Variants in CARM1 observed in about 807,000 individuals in gnomAD.
CARM1 encodes the protein coactivator associated arginine methyltransferase 1.
CARM1 carries 14 observed loss-of-function variants against 72.7 expected under a neutral mutation model. The observed-to-expected ratio is 0.19, with a 90% CI of 0.13 to 0.30. The LOEUF (loss-of-function observed/expected upper bound fraction) is 0.30. CARM1 is among the 10% of genes least tolerant of loss of function. The pLI is 1.00. For synonymous variants in CARM1, 333 were observed against 345.5 expected (o/e 0.96, Z 0.40); for missense variants, 432 against 833.7 (o/e 0.52, Z 5.93).
intron 1 of CARM1, among the ~76,000 whole-genome samples, chr19:10,874,054 C>G (rs2073843795): frequency 1.3e-5 from 2 of 152,170 alleles, no homozygotes; most frequent in Non-Finnish European, 2.9e-5. Flanking sequence ...TTTGTTGATA[C>G]TCTTGAAAGT....
chr19:10,891,225 G>C (rs151166669), intron 1 of CARM1, among the ~76,000 whole-genome samples: 9 of 152,186 alleles, frequency 5.9e-5, no homozygotes, highest in Admixed American at 2.6e-4. Flanking sequence ...CGTGGGTCTT[G>C]GGCCGGGCAT....
At chr19:10,891,634 C>T (rs1004435398) in intron 1 of CARM1, among the ~76,000 whole-genome samples, 6 of 152,198 alleles carry the variant, frequency 3.9e-5, no homozygotes, top group African/African-American at 7.2e-5. Flanking sequence ...GTCCCCAGTC[C>T]GGCCTGCCCA....
At position 10,921,810 on chromosome 19, in the gene CARM1, G is replaced by T; in HGVS notation, c.*53G>T. On this transcript the variant is annotated 3_prime_UTR_variant, in exon 16 of 16. Coordinates refer to ENST00000327064, the MANE Select transcript of CARM1 (RefSeq NM_199141.2). ...AGGAAACCAAATGATGTCCCTGCCC[G>T]CCGCCCCCGCCGGGCGGCTTTCCCC... is the stretch of plus-strand genomic sequence containing the variant. The T allele has an allele frequency of 6.6e-7, 1 of 1,521,880 alleles. No homozygotes were observed. The highest frequency in any genetic ancestry group is 8.9e-7 in the Non-Finnish European group (1 of 1,128,454). 94.3% of individuals were successfully genotyped at this position (1,521,880 alleles called of 1,614,324 possible). A position where few individuals can be genotyped will look rare whatever the true frequency, so the allele number is the denominator to read the frequency against.
rs773158578 is a variant in CARM1 at position 10,912,270 on chromosome 19, C to T, written c.645C>T (p.Ala215=). Reference sequence around the variant, plus strand: ...CACGGAAAATCTACGCGGTGGAGGCCAGCACCATGGCCCAGCACGCTGAGG... The same window carrying T: ...CACGGAAAATCTACGCGGTGGAGGCTAGCACCATGGCCCAGCACGCTGAGG... The part of the protein sequence containing the change: ...AGARKIYAVE[A]STMAQHAEVL... Residue 215 remains alanine (A), a synonymous_variant, in exon 5 of 16, where the codon GCC becomes GCT. Coordinates refer to ENST00000327064, the MANE Select transcript of CARM1 (RefSeq NM_199141.2). The surrounding 1 kb of genome is among the most constrained non-coding windows in gnomAD (Gnocchi z 4.5). The T allele has an allele frequency of 2.5e-6, 4 of 1,613,882 alleles. No individual in the cohort carries two copies. The highest frequency in any genetic ancestry group is 3.4e-6 in the Non-Finnish European group (4 of 1,179,916).
chr19:10,895,090 C>T (rs548676222), intron 1 of CARM1, among the ~76,000 whole-genome samples: 13 of 151,896 alleles, frequency 8.6e-5, no homozygotes, highest in Admixed American at 7.2e-4. Context: ...CCTGATGTCA[C>T]GACAGCATGG....
intron 1 of CARM1, among the ~76,000 whole-genome samples, chr19:10,874,353 A>G (rs894442787): frequency 6.7e-6 from 1 of 149,018 alleles, no homozygotes; most frequent in African/African-American, 2.5e-5. Flanking sequence ...TTTTTTTTAC[A>G]CTTTTTTGTT....
rs77625721 is a variant in CARM1, at chr19:10,920,037, G to C, written c.1196+71G>C. 4.1e-6 allele frequency: 5 copies of C among 1,204,900 alleles called. No homozygotes were observed. The highest frequency in any genetic ancestry group is 3.7e-5 in the South Asian group (3 of 81,176). The allele number at this position is 1,204,900 out of a possible 1,614,324, so 74.6% of individuals were successfully genotyped here. A position where few individuals can be genotyped will look rare whatever the true frequency, so the allele number is the denominator to read the frequency against. On this transcript the variant is annotated intron_variant, in intron 10 of 15. Coordinates refer to ENST00000327064, the MANE Select transcript of CARM1 (RefSeq NM_199141.2). The surrounding 1 kb of genome is among the most constrained non-coding windows in gnomAD (Gnocchi z 5.3). ...GGCTTCCTGCAGCTGCAACCTGGCT[G>C]GGGGGGTGGAACATGGCTCCAGGTT...
chr19:10,916,682 G>A lies in CARM1; in HGVS notation c.939-14G>A. The A allele has an allele frequency of 6.4e-7, 1 of 1,568,032 alleles. No homozygotes were observed. Among genetic ancestry groups the A allele is most frequent in the Non-Finnish European group, 8.7e-7 (1 of 1,155,688 alleles). On this transcript the variant is annotated splice_polypyrimidine_tract_variant and intron_variant, in intron 7 of 15. Transcript: ENST00000327064. This position sits in a 1 kb window ranked among gnomAD's most constrained non-coding sequence, Gnocchi z 4.4. ...CAGCCCTGACCTTGCTGTGGGGGTG[G>A]GGCCTGTCCACAGGTACCAGCCATC...
chr19:10,876,232 C>T (rs922142095), intron 1 of CARM1, among the ~76,000 whole-genome samples: 2 of 152,126 alleles, frequency 1.3e-5, no homozygotes. Flanking sequence ...CACTATTTTG[C>T]CCAGGCTGGT....
chr19:10,893,443 A>G (rs1432387879), intron 1 of CARM1, among the ~76,000 whole-genome samples: 2 of 152,130 alleles, frequency 1.3e-5, no homozygotes, highest in East Asian at 1.9e-4. Flanking sequence ...GCTTCAAGTG[A>G]TTCTCCTGCC....
At chr19:10,872,736 C>T (rs1035238542) in intron 1 of CARM1, among the ~76,000 whole-genome samples, 1 of 152,120 alleles carries the variant, frequency 6.6e-6, no homozygotes, top group African/African-American at 2.4e-5. Flanking sequence ...CACCCCCGCT[C>T]CCAGTCTTTG....
chr19:10,882,107 G>T (rs565381935), intron 1 of CARM1, among the ~76,000 whole-genome samples: 1 of 152,324 alleles, frequency 6.6e-6, no homozygotes, highest in Admixed American at 6.5e-5. Flanking sequence ...TTGTGCCTCA[G>T]TTTCCTTGGC....
At chr19:10,890,704 CACAT>C (rs1003708044) in intron 1 of CARM1, among the ~76,000 whole-genome samples, 3 of 146,708 alleles carry the variant, frequency 2.0e-5, no homozygotes, top group Non-Finnish European at 4.5e-5. Context: ...TATATACACA[CACAT>C]ATATACACAT....
Position 10,912,285 on chromosome 19 carries a change from G to A in CARM1, c.660G>A (p.Gln220=). Residue 220 remains glutamine, a synonymous_variant, in exon 5 of 16, where the codon CAG becomes CAA. Transcript: ENST00000327064. The surrounding 1 kb of genome is among the most constrained non-coding windows in gnomAD (Gnocchi z 4.5). ...IYAVEASTMA[Q]HAEVLVKSNN... Reference sequence around the variant, plus strand: ...CGGTGGAGGCCAGCACCATGGCCCAGCACGCTGAGGTCAGTGGCCCGCTGG... The same window carrying A: ...CGGTGGAGGCCAGCACCATGGCCCAACACGCTGAGGTCAGTGGCCCGCTGG... 6.2e-7 allele frequency: 1 copy of A among 1,609,710 alleles called. No homozygotes were observed.
At chr19:10,881,166 T>TA (rs771255011) in intron 1 of CARM1, among the ~76,000 whole-genome samples, 37 of 150,832 alleles carry the variant, frequency 2.5e-4, no homozygotes, top group African/African-American at 7.3e-4. Context: ...ACCTTGTCTC[T>TA]AAAAAAAAAT....
At position 10,871,949 on chromosome 19, in the gene CARM1, C is replaced by A; in HGVS notation, c.220+27C>A. On this transcript the variant is annotated intron_variant, in intron 1 of 15. Coordinates refer to ENST00000327064, the MANE Select transcript of CARM1 (RefSeq NM_199141.2). The surrounding 1 kb of genome is among the most constrained non-coding windows in gnomAD (Gnocchi z 5.6). ...TGAGTACGGGGCCCCGGGGCAGGCGCAGGGCCGGGGCTGCTCACGAGGCCG... is the reference window on the plus strand; with the variant it reads ...TGAGTACGGGGCCCCGGGGCAGGCGAAGGGCCGGGGCTGCTCACGAGGCCG... 8.5e-7 allele frequency: 1 copy of A among 1,177,376 alleles called. No homozygotes were observed. The allele number at this position is 1,177,376 out of a possible 1,614,324, so 72.9% of individuals were successfully genotyped here. A position where few individuals can be genotyped will look rare whatever the true frequency, so the allele number is the denominator to read the frequency against.
rs1333668046 is a variant in CARM1, at chr19:10,871,888, C to T, written c.186C>T (p.Ala62=). ...EQQALRLEVR[A]GPDSAGIALY... ...AGGCGCTGCGCCTCGAGGTGCGCGC[C>T]GGCCCGGACTCGGCGGGCATCGCCC... is the stretch of plus-strand genomic sequence containing the variant. Residue 62 remains alanine, a synonymous_variant, in exon 1 of 16, where the codon GCC becomes GCT. Coordinates refer to ENST00000327064, the MANE Select transcript of CARM1 (RefSeq NM_199141.2). The surrounding 1 kb of genome is among the most constrained non-coding windows in gnomAD (Gnocchi z 5.6). 1 of 1,241,782 alleles carries T rather than the reference C, an allele frequency of 8.1e-7. No individual in the cohort carries two copies. Among genetic ancestry groups the T allele is most frequent in the Non-Finnish European group, 1.0e-6 (1 of 989,148 alleles). 76.9% of individuals were successfully genotyped at this position (1,241,782 alleles called of 1,614,324 possible). A position where few individuals can be genotyped will look rare whatever the true frequency, so the allele number is the denominator to read the frequency against.
At chr19:10,906,657 G>T (rs1281325190) in intron 2 of CARM1, among the ~76,000 whole-genome samples, 1 of 151,534 alleles carries the variant, frequency 6.6e-6, no homozygotes, top group Non-Finnish European at 1.5e-5. Flanking sequence ...AGAGACGGGG[G>T]TTTCACCATG....
intron 1 of CARM1, among the ~76,000 whole-genome samples, chr19:10,894,005 G>A (rs1334042606): frequency 1.3e-5 from 2 of 152,336 alleles, no homozygotes; most frequent in Non-Finnish European, 1.5e-5. Flanking sequence ...GGGCACATGG[G>A]TGCCAAGCCA....
Sources: gnomAD v4.1 joint callset for allele counts (sites outside exome capture counted in the v4.1 genomes callset) on GRCh38, gnomAD v4.1.1 for gene constraint, Gnocchi (gnomAD v3.1) non-coding constraint, MANE v1.5 for transcripts, NCBI Gene and HGNC (gene_info 2026-07-23, HGNC 2026-07-21) for gene names.